ZNF827: variants seen among roughly 807,000 people sequenced by gnomAD.
ZNF827 encodes zinc finger protein 827.
In ZNF827, 13 loss-of-function variants were observed where a neutral mutation model predicts 102.4. The ratio of observed to expected loss-of-function variants is 0.13; its 90% CI spans 0.08 to 0.20. The LOEUF is 0.20. ZNF827 is among the 10% of genes least tolerant of loss of function. The probability of loss-of-function intolerance (pLI) is 1.00; values close to 1 mark genes in which losing one functional copy is unlikely to be tolerated. For synonymous variants in ZNF827, 523 were observed against 536.2 expected, an observed-to-expected ratio of 0.98 and a Z score of 0.34; for missense variants, 1,103 against 1,344.4, an observed-to-expected ratio of 0.82 and a Z score of 2.81.
rs115018710 is a variant in ZNF827, at chr4:145,878,198, C to G, written c.1747+7480G>C. 9.7e-3 allele frequency among the ~76,000 whole-genome samples: 1,484 copies of G among 152,246 alleles called. 22 individuals carry two copies. The highest frequency in any genetic ancestry group is 0.033 in the African/African-American group (1,355 of 41,532). On this transcript the variant is annotated intron_variant, in intron 4 of 14. Transcript: ENST00000508784. ...ACTGTGGCAGACCATGAAATGGCTA[C>G]GATTCCCCCCTCCAAAGGCCCACCT...
At chr4:145,826,973 C>T (rs1235781437) in intron 7 of ZNF827, among the ~76,000 whole-genome samples, 1 of 152,182 alleles carries the variant, frequency 6.6e-6, no homozygotes, top group Non-Finnish European at 1.5e-5. Flanking sequence ...TCTCGATTTT[C>T]TGACCTCATG....
At chr4:145,900,535 A>C (rs1200310580) in intron 2 of ZNF827, among the ~76,000 whole-genome samples, 1 of 151,592 alleles carries the variant, frequency 6.6e-6, no homozygotes, top group African/African-American at 2.4e-5. Context: ...TCAGCCTCCC[A>C]AGTAGCTGGG....
intron 6 of ZNF827, among the ~76,000 whole-genome samples, chr4:145,846,500 A>C (rs1465301923): frequency 2.1e-5 from 3 of 143,922 alleles, no homozygotes; most frequent in Non-Finnish European, 4.5e-5. Context: ...AAACAAAAAA[A>C]CACAACAACA....
chr4:145,850,822 T>C (rs1037097368), intron 5 of ZNF827, among the ~76,000 whole-genome samples: 3 of 152,276 alleles, frequency 2.0e-5, no homozygotes, highest in Middle Eastern at 3.4e-3. Flanking sequence ...GTGGGTTGAA[T>C]TGTGGTCCCC....
chr4:145,818,424 G>C (rs1251335745), intron 8 of ZNF827, among the ~76,000 whole-genome samples: 1 of 152,240 alleles, frequency 6.6e-6, no homozygotes, highest in African/African-American at 2.4e-5. Flanking sequence ...AATTAAAAAT[G>C]AGATGACATA....
Position 145,902,507 on chromosome 4 carries a change from G to C in ZNF827, c.752C>G (p.Ser251Cys). The C allele has an allele frequency of 6.8e-6, 11 of 1,614,140 alleles. No individual in the cohort carries two copies. The highest frequency in any genetic ancestry group is 9.3e-6 in the Non-Finnish European group (11 of 1,180,022). ...CTTCTTGGACAAAGCGGCCAAGGTAGAACTGGCAGACTGGGAGCTAAAAGG... is the reference window on the plus strand; with the variant it reads ...CTTCTTGGACAAAGCGGCCAAGGTACAACTGGCAGACTGGGAGCTAAAAGG... The part of the protein sequence containing the change: ...SSPFSSQSAS[S>C]TLAALSKKVS... Residue 251 changes from serine to cysteine, a missense_variant, in exon 2 of 15, where the codon TCT becomes TGT. By Grantham distance (112) the Ser-to-Cys change is moderately radical. Coordinates refer to ENST00000508784, the MANE Select transcript of ZNF827 (RefSeq NM_001306215.2). The surrounding 1 kb of genome is among the most constrained non-coding windows in gnomAD (Gnocchi z 4.3).
At chr4:145,850,036 T>A (rs1746376075) in intron 5 of ZNF827, among the ~76,000 whole-genome samples, 1 of 151,938 alleles carries the variant, frequency 6.6e-6, no homozygotes, top group Admixed American at 6.6e-5. Context: ...TGAGAAGTAG[T>A]TTCACTCTTG....
chr4:145,928,685 A>G (rs898483508), intron 1 of ZNF827, among the ~76,000 whole-genome samples: 1 of 152,248 alleles, frequency 6.6e-6, no homozygotes, highest in Non-Finnish European at 1.5e-5. Flanking sequence ...CTGCTAGGAT[A>G]GGGATTACTA....
chr4:145,816,770 T>C (rs1742632635), intron 8 of ZNF827, among the ~76,000 whole-genome samples: 1 of 152,210 alleles, frequency 6.6e-6, no homozygotes, highest in African/African-American at 2.4e-5. Flanking sequence ...CTCCTGCAAG[T>C]ACATCAAAGA....
rs962935399 is a variant in ZNF827 at position 145,938,149 on chromosome 4, AAGAG to A, written c.43+212_43+215del. 1.4e-4 allele frequency among the ~76,000 whole-genome samples: 22 copies of A among 151,956 alleles called. No individual in the cohort carries two copies. The East Asian group carries it at 2.3e-3, about 16-fold the overall frequency. ...GGGGGGGGTGAGAGAAAGAAAGAAA[AAGAG>A]AGAGAGAATAGAAAGGGCACGGGGC... On this transcript the variant is annotated intron_variant, in intron 1 of 14. Transcript: ENST00000508784.
Position 145,885,763 on chromosome 4 carries a change from G to A in ZNF827, c.1662C>T (p.Ser554=), listed in dbSNP as rs374494448. Residue 554 remains serine (S), a synonymous_variant, in exon 4 of 15, where the codon TCC becomes TCT. Coordinates refer to ENST00000508784, the MANE Select transcript of ZNF827 (RefSeq NM_001306215.2). ...CTGACGCACTGTTGGCCACATACTC[G>A]GAGGGGTCTTTCAGCTTTGTGTGGT... ...PANHTKLKDP[S]EYVANSASAL... 7 of 1,606,486 alleles carry A rather than the reference G, an allele frequency of 4.4e-6. No individual in the cohort carries two copies. In the Admixed American group the frequency reaches 5.0e-5, roughly 12 times the overall value.
intron 8 of ZNF827, 124 bp from the exon 9 acceptor site, chr4:145,779,635 T>C: frequency 7.7e-7 from 1 of 1,297,346 alleles, no homozygotes. Flanking sequence ...TGCAAATGAG[T>C]CTCCGTAACT....
At chr4:145,894,328 T>A (rs1201242470) in intron 2 of ZNF827, among the ~76,000 whole-genome samples, 2 of 152,222 alleles carry the variant, frequency 1.3e-5, no homozygotes, top group Non-Finnish European at 2.9e-5. Context: ...CAGTTACCAC[T>A]GAAGGATTGT....
chr4:145,765,475 A>C lies in ZNF827; in HGVS notation c.3052+72T>G. The C allele has an allele frequency of 6.6e-7, 1 of 1,517,460 alleles. No homozygotes were observed. Among genetic ancestry groups the C allele is most frequent in the Non-Finnish European group, 8.9e-7 (1 of 1,127,580 alleles). The allele number at this position is 1,517,460 out of a possible 1,614,324, so 94.0% of individuals were successfully genotyped here. The stretch of plus-strand genomic sequence containing the variant: ...TCAGTTTTTGACATCGCTCCTGTGC[A>C]GGGCTTATTCTCAAGAATGGGTCAT... On this transcript the variant is annotated intron_variant, in intron 12 of 14. Coordinates refer to ENST00000508784, the MANE Select transcript of ZNF827 (RefSeq NM_001306215.2). The surrounding 1 kb of genome is among the most constrained non-coding windows in gnomAD (Gnocchi z 4.7).
intron 8 of ZNF827, among the ~76,000 whole-genome samples, chr4:145,789,653 C>CT (rs1739397388): frequency 6.6e-6 from 1 of 152,194 alleles, no homozygotes; most frequent in Admixed American, 6.5e-5. Flanking sequence ...CCGAATCTGT[C>CT]TGACTACAAA....
In ZNF827 at chr4:145,902,444, G is replaced by T. The variant is rs1478965932; in HGVS notation, c.815C>A (p.Pro272His). The T allele has an allele frequency of 6.2e-7, 1 of 1,614,086 alleles. No homozygotes were observed. Among genetic ancestry groups the T allele is most frequent in the Non-Finnish European group, 8.5e-7 (1 of 1,180,058 alleles). The change falls in exon 2 of 15, where the codon CCT becomes CAT. Residue 272 changes from proline to histidine, a missense_variant. Transcript: ENST00000508784. This position sits in a 1 kb window ranked among gnomAD's most constrained non-coding sequence, Gnocchi z 4.3. ...GGAAAGGAAGGAGCTGGCCGGTGGA[G>T]GGTGCTCCTGACCAGGAGTCAAACT... ...ERSLTPGQEHPPPASSFLSLA... is the reference protein window; with the variant it reads ...ERSLTPGQEHHPPASSFLSLA...
At chr4:145,767,361 A>G (rs1022979314) in intron 11 of ZNF827, among the ~76,000 whole-genome samples, 9 of 152,186 alleles carry the variant, frequency 5.9e-5, no homozygotes, top group African/African-American at 2.2e-4. Context: ...AATCTCCCCA[A>G]ATGAAAAGAG....
Position 145,809,105 on chromosome 4 carries a change from G to A in ZNF827, c.2383+14317C>T, listed in dbSNP as rs114577387. 4.1e-3 allele frequency among the ~76,000 whole-genome samples: 618 copies of A among 152,302 alleles called. 1 individual carries two copies. The highest frequency in any genetic ancestry group is 0.017 in the Middle Eastern group (5 of 294). ...TGTGAGCCACTGTGCCCAGCCTAGC[G>A]TCATATTTAAATGTGGTTCTGCCAA... On this transcript the variant is annotated intron_variant, in intron 8 of 14. Transcript: ENST00000508784.
At chr4:145,850,245 G>C (rs942044179) in intron 5 of ZNF827, among the ~76,000 whole-genome samples, 10 of 152,052 alleles carry the variant, frequency 6.6e-5, no homozygotes, top group African/African-American at 2.4e-4. Flanking sequence ...CCTGACCTCA[G>C]GTGATGTGCC....
Sources: gnomAD v4.1 joint callset for allele counts (sites outside exome capture counted in the v4.1 genomes callset) on GRCh38, gnomAD v4.1.1 for gene constraint, Gnocchi (gnomAD v3.1) non-coding constraint, MANE v1.5 for transcripts, NCBI Gene and HGNC (gene_info 2026-07-23, HGNC 2026-07-21) for gene names.